Variants in RNF144B observed in about 807,000 individuals in gnomAD.
The protein encoded by RNF144B is E3 ubiquitin-protein ligase RNF144B.
Under a neutral mutation model 40.2 loss-of-function variants are expected in RNF144B, and 25 were observed. That is an observed-to-expected ratio of 0.62 (90% CI 0.45 to 0.87). The LOEUF is 0.87. RNF144B is among the 40% of genes least tolerant of loss of function. The pLI is 0.00. For synonymous variants in RNF144B, 145 were observed against 136.3 expected, an observed-to-expected ratio of 1.06 and a Z score of -0.44; for missense variants, 365 against 373.7, an observed-to-expected ratio of 0.98 and a Z score of 0.19.
At chr6:18,426,419 C>CT (rs1272775260) in intron 2 of RNF144B, among the ~76,000 whole-genome samples, 1 of 152,168 alleles carries the variant, frequency 6.6e-6, no homozygotes, top group African/African-American at 2.4e-5. Context: ...GGTTTATTTC[C>CT]TGGAACTACT....
rs139927758 is a variant in RNF144B, at chr6:18,456,839, G to A, written c.332-316G>A. 0.013 allele frequency among the ~76,000 whole-genome samples: 1,960 copies of A among 152,314 alleles called. 21 individuals carry two copies. Among genetic ancestry groups the A allele is most frequent in the Middle Eastern group, 0.027 (8 of 294 alleles). On this transcript the variant is annotated intron_variant, in intron 4 of 7. Coordinates refer to ENST00000259939, the MANE Select transcript of RNF144B (RefSeq NM_182757.4). The surrounding 1 kb of genome is among the most constrained non-coding windows in gnomAD (Gnocchi z 4.7). ...GCACTTTGGGAGGCCAAGGTAGGCA[G>A]ATCACCTGGGGTCAGGAATTCGAGA...
At chr6:18,439,839 G>A (rs1758918253) in intron 4 of RNF144B, 95 bp downstream of exon 4, 6 of 797,938 alleles carry the variant, frequency 7.5e-6, no homozygotes, top group Non-Finnish European at 1.1e-5. Context: ...GCTATGGGCT[G>A]TCAACAAAGC....
chr6:18,428,538 T>A (rs1486722932), intron 3 of RNF144B, among the ~76,000 whole-genome samples: 6 of 152,112 alleles, frequency 3.9e-5, no homozygotes, highest in Non-Finnish European at 8.8e-5. Context: ...CGGTTATTGG[T>A]TTGCCTTTAA....
chr6:18,411,489 ATATATATATTTT>A (rs1376671489), intron 2 of RNF144B, among the ~76,000 whole-genome samples: 38 of 21,328 alleles, frequency 1.8e-3, no homozygotes, highest in South Asian at 0.016. Context: ...ATATATATAT[ATATATATATTTT>A]TTTTTTTTTT....
rs937705601 is a variant in RNF144B at position 18,422,178 on chromosome 6, G to A, written c.166-5403G>A. Among the ~76,000 whole-genome samples the A allele has an allele frequency of 2.0e-5, 3 of 152,180 alleles. No homozygotes were observed. The highest frequency in any genetic ancestry group is 7.2e-5 in the African/African-American group (3 of 41,434). ...TTTCAAACCAGGATGCTTTTGGTGT[G>A]TTGGATAGGCTTTTGAGTAGGGAGA... On this transcript the variant is annotated intron_variant, in intron 2 of 7. Transcript: ENST00000259939. The surrounding 1 kb of genome is among the most constrained non-coding windows in gnomAD (Gnocchi z 4.7).
At chr6:18,436,017 T>TATA (rs944027493) in intron 3 of RNF144B, among the ~76,000 whole-genome samples, 9 of 149,844 alleles carry the variant, frequency 6.0e-5, no homozygotes, top group East Asian at 2.0e-4. Flanking sequence ...AAACTTAAAG[T>TATA]ATAATAATAA....
In RNF144B at chr6:18,422,330, A is replaced by G. The variant is rs1162950495; in HGVS notation, c.166-5251A>G. ...AGCAGAATGTTGTTCTCAGTGTGAG[A>G]TGTTATTTAGAACACACTGGAAACA... On this transcript the variant is annotated intron_variant, in intron 2 of 7. Coordinates refer to ENST00000259939, the MANE Select transcript of RNF144B (RefSeq NM_182757.4). The surrounding 1 kb of genome is among the most constrained non-coding windows in gnomAD (Gnocchi z 4.7). 6.6e-6 allele frequency among the ~76,000 whole-genome samples: 1 copy of G among 152,156 alleles called. No individual in the cohort carries two copies. The highest frequency in any genetic ancestry group is 1.5e-5 in the Non-Finnish European group (1 of 68,020).
chr6:18,453,306 T>C (rs1479100653), intron 4 of RNF144B, among the ~76,000 whole-genome samples: 5 of 151,516 alleles, frequency 3.3e-5, no homozygotes, highest in Non-Finnish European at 7.4e-5. Context: ...ATCTGGCTAA[T>C]TTTTGTATTT....
In RNF144B at chr6:18,465,693, G is replaced by A. The variant is rs563809189; in HGVS notation, c.*626G>A. On this transcript the variant is annotated 3_prime_UTR_variant, in exon 8 of 8. Transcript: ENST00000259939. ...TGTGTGATCTCAGCTTCAAGCAGGT[G>A]AAACTGCTGTGCAGAGGGAGTTGCC... 2.6e-5 allele frequency: 4 copies of A among 152,438 alleles called. No individual in the cohort carries two copies. Among genetic ancestry groups the A allele is most frequent in the Non-Finnish European group, 5.9e-5 (4 of 68,132 alleles). The allele number at this position is 152,438 out of a possible 1,614,324, so 9.4% of individuals were successfully genotyped here.
At chr6:18,451,864 TGTAA>T (rs1003270196) in intron 4 of RNF144B, among the ~76,000 whole-genome samples, 1 of 152,232 alleles carries the variant, frequency 6.6e-6, no homozygotes, top group Non-Finnish European at 1.5e-5. Context: ...TTGTTGCCCT[TGTAA>T]GTGATACTTC....
chr6:18,459,896 C>A lies in RNF144B; in HGVS notation c.681+145C>A. The A allele has an allele frequency of 1.3e-6, 1 of 741,840 alleles. No individual in the cohort carries two copies. The highest frequency in any genetic ancestry group is 1.8e-5 in the African/African-American group (1 of 56,784). 46.0% of individuals were successfully genotyped at this position (741,840 alleles called of 1,614,324 possible). ...TTTTTCTTAATGAGACTTACTAAGC[C>A]TGATACTTTAGATATCTAAAAACAT... On this transcript the variant is annotated intron_variant, in intron 6 of 7. Transcript: ENST00000259939. The surrounding 1 kb of genome is among the most constrained non-coding windows in gnomAD (Gnocchi z 4.2).
chr6:18,431,495 A>G (rs1274705306), intron 3 of RNF144B, among the ~76,000 whole-genome samples: 1 of 152,182 alleles, frequency 6.6e-6, no homozygotes, highest in East Asian at 1.9e-4. Context: ...CAGTTATAAC[A>G]TGTGGCTTAT....
At position 18,459,276 on chromosome 6, in the gene RNF144B, C is replaced by T. The variant is rs185410932; in HGVS notation, c.537-331C>T. Among the ~76,000 whole-genome samples the T allele has an allele frequency of 1.3e-5, 2 of 152,278 alleles. No individual in the cohort carries two copies. The highest frequency in any genetic ancestry group is 3.9e-4 in the East Asian group (2 of 5,182). ...ATAGATTATATACGCCCAGTTTGGA[C>T]CCTGACCTAGTTTCTCTGCTGTGTA... On this transcript the variant is annotated intron_variant, in intron 5 of 7. Coordinates refer to ENST00000259939, the MANE Select transcript of RNF144B (RefSeq NM_182757.4). This position sits in a 1 kb window ranked among gnomAD's most constrained non-coding sequence, Gnocchi z 4.2.
At position 18,439,682 on chromosome 6, in the gene RNF144B, A is replaced by G. The variant is rs1301827061; in HGVS notation, c.271-2A>G. The G allele has an allele frequency of 6.2e-7, 1 of 1,610,510 alleles. No homozygotes were observed. The highest frequency in any genetic ancestry group is 8.5e-7 in the Non-Finnish European group (1 of 1,176,776). Reference sequence around the variant, plus strand: ...CTCAACCTTTTATGTCTCTGGTTTCAGATTGCCTGTTTGGTACCTGTGGAC... The same window carrying G: ...CTCAACCTTTTATGTCTCTGGTTTCGGATTGCCTGTTTGGTACCTGTGGAC... On this transcript the variant is annotated splice_acceptor_variant, in intron 3 of 7. Coordinates refer to ENST00000259939, the MANE Select transcript of RNF144B (RefSeq NM_182757.4). LOFTEE classifies it high-confidence loss of function.
intron 6 of RNF144B, among the ~76,000 whole-genome samples, chr6:18,461,895 A>C (rs1009531946): frequency 1.3e-5 from 2 of 151,996 alleles, no homozygotes; most frequent in African/African-American, 4.8e-5. Context: ...GTGTTGTTGG[A>C]GTTGAGCTTG....
chr6:18,457,220 G>A lies in RNF144B; in HGVS notation c.397G>A (p.Ala133Thr), dbSNP rs1315454079. 1.2e-6 allele frequency: 2 copies of A among 1,613,976 alleles called. No individual in the cohort carries two copies. The highest frequency in any genetic ancestry group is 2.7e-5 in the African/African-American group (2 of 74,894). Reference protein sequence around the residue: ...VADCQTVCPVASSDPGQPVLV... With the variant: ...VADCQTVCPVTSSDPGQPVLV... ...AGACTGTCAGACAGTGTGCCCTGTTGCCTCGAGTGACCCAGGACAGCCTGT... is the reference window on the plus strand; with the variant it reads ...AGACTGTCAGACAGTGTGCCCTGTTACCTCGAGTGACCCAGGACAGCCTGT... The change falls in exon 5 of 8, where the codon GCC (alanine) becomes ACC (threonine). Residue 133 changes from alanine (A) to threonine (T), a missense_variant. By Grantham distance (58) the Ala-to-Thr change is moderately conservative. Transcript: ENST00000259939. This position sits in a 1 kb window ranked among gnomAD's most constrained non-coding sequence, Gnocchi z 5.1.
In RNF144B at chr6:18,446,840, G is replaced by GGTGT. The variant is rs70974744; in HGVS notation, c.331+7127_331+7130dup. 0.034 allele frequency among the ~76,000 whole-genome samples: 5,064 copies of GGTGT among 147,922 alleles called. 110 individuals carry two copies. The highest frequency in any genetic ancestry group is 0.065 in the East Asian group (323 of 4,934). On this transcript the variant is annotated intron_variant, in intron 4 of 7. Transcript: ENST00000259939. The surrounding 1 kb of genome is among the most constrained non-coding windows in gnomAD (Gnocchi z 4.7). ...TAAAGTTTTATTGGTTCTATTTTAG[G>GGTGT]GTGTGTGTGTGTGTGTGTGTGTGTG...
intron 1 of RNF144B, among the ~76,000 whole-genome samples, chr6:18,391,936 C>T (rs376341758): frequency 5.0e-5 from 7 of 140,164 alleles, no homozygotes; most frequent in African/African-American, 1.1e-4. Context: ...CGGTGACTTA[C>T]GCCTGTAATC....
At position 18,405,782 on chromosome 6, in the gene RNF144B, T is replaced by G. The variant is rs1247346440; in HGVS notation, c.165+6083T>G. ...AGAGATGACTCAAGGAGGAGCTGGC[T>G]TCCTGGACCTATGATCTCATCCATG... On this transcript the variant is annotated intron_variant, in intron 2 of 7. Transcript: ENST00000259939. The surrounding 1 kb of genome is among the most constrained non-coding windows in gnomAD (Gnocchi z 4.5). 1.3e-5 allele frequency among the ~76,000 whole-genome samples: 2 copies of G among 152,214 alleles called. No homozygotes were observed. The highest frequency in any genetic ancestry group is 2.9e-5 in the Non-Finnish European group (2 of 68,042).
Sources: gnomAD v4.1 joint callset for allele counts (sites outside exome capture counted in the v4.1 genomes callset) on GRCh38, gnomAD v4.1.1 for gene constraint, Gnocchi (gnomAD v3.1) non-coding constraint, MANE v1.5 for transcripts, NCBI Gene and HGNC (gene_info 2026-07-23, HGNC 2026-07-21) for gene names.